RPL31: variants seen among roughly 807,000 people sequenced by gnomAD.
The protein encoded by RPL31 is large ribosomal subunit protein eL31.
For missense variants in RPL31, 95 were observed against 164.0 expected (o/e 0.58, Z 2.30); for synonymous variants, 51 against 55.0 (o/e 0.93, Z 0.32).
At chr2:101,007,803 A>G (rs1225203916), downstream of RPL31, 4 of 1,609,480 alleles carry the variant, frequency 2.5e-6, no homozygotes, top group African/African-American at 1.3e-5. Context: ...TCCAGTGTGC[A>G]TAGCAGCTGC....
chr2:101,004,153 C>T lies in RPL31; in HGVS notation c.108-5C>T, dbSNP rs777298130. 7 of 1,612,898 alleles carry T rather than the reference C, an allele frequency of 4.3e-6. No individual in the cohort carries two copies. The highest frequency in any genetic ancestry group is 1.7e-5 in the Admixed American group (1 of 59,766). On this transcript the variant is annotated splice_region_variant and splice_polypyrimidine_tract_variant and intron_variant, in intron 2 of 4. Coordinates refer to ENST00000264258, the MANE Select transcript of RPL31 (RefSeq NM_000993.5). ...TTAATTTGTTCACTTATGTTTGAAT[C>T]GTAGGGGCTTCAAGAAGCGTGCACC...
At chr2:101,009,949 G>A (rs1435366210), downstream of RPL31, among the ~76,000 whole-genome samples, 3 of 151,550 alleles carry the variant, frequency 2.0e-5, no homozygotes, top group African/African-American at 4.9e-5. Context: ...AGCCTCCCGA[G>A]TAGCTGGGAC....
At chr2:101,005,291 G>C (rs111321088) in intron 3 of RPL31, 2 of 152,608 alleles carry the variant, frequency 1.3e-5, no homozygotes, top group African/African-American at 2.4e-5. Context: ...TAGAGTATGC[G>C]CCTGTGGCAG....
intron 4 of RPL31, chr2:101,018,033 A>C: frequency 8.6e-7 from 1 of 1,167,884 alleles, no homozygotes; most frequent in Non-Finnish European, 1.2e-6. Flanking sequence ...CTACATATCA[A>C]CCCCTTTTTC....
intron 2 of RPL31, 111 bp from the exon 3 acceptor site, chr2:101,004,047 C>A: frequency 8.0e-7 from 1 of 1,245,084 alleles, no homozygotes; most frequent in Non-Finnish European, 1.1e-6. Context: ...TTACATAAGA[C>A]ATTGCTTAAA....
At chr2:101,004,344 CT>C in intron 3 of RPL31, 61 bp downstream of exon 3, 1 of 1,581,880 alleles carries the variant, frequency 6.3e-7, no homozygotes, top group Non-Finnish European at 8.6e-7. Context: ...TCACTTAACC[CT>C]GCAAGAGCCC....
chr2:101,013,575 A>T (rs1049467436), intron 4 of RPL31, among the ~76,000 whole-genome samples: 1 of 152,232 alleles, frequency 6.6e-6, no homozygotes, highest in South Asian at 2.1e-4. Context: ...GTTTGAAGGT[A>T]GTAGGTAACT....
At chr2:101,016,075 G>GA (rs1679611532) in intron 4 of RPL31, among the ~76,000 whole-genome samples, 1 of 151,978 alleles carries the variant, frequency 6.6e-6, no homozygotes, top group South Asian at 2.1e-4. Flanking sequence ...TGACAAATGG[G>GA]ATCTAATTAA....
Position 101,018,885 on chromosome 2 carries a change from C to T in RPL31, c.347-113C>T, listed in dbSNP as rs141028064. ...TTAACTAAGCAAAATGGCCAATATC[C>T]GTAGGTTTATCAATCTGCAGTGAAA... On this transcript the variant is annotated intron_variant, in intron 4 of 4. Transcript: ENST00000409028. The T allele has an allele frequency of 1.7e-4, 240 of 1,390,944 alleles. 1 individual carries two copies. The East Asian group carries it at 2.9e-3, about 17-fold the overall frequency. 86.2% of individuals were successfully genotyped at this position (1,390,944 alleles called of 1,614,324 possible). A position where few individuals can be genotyped will look rare whatever the true frequency, so the allele number is the denominator to read the frequency against.
chr2:101,018,915 T>C (rs1679850228), intron 4 of RPL31: 2 of 1,540,708 alleles, frequency 1.3e-6, no homozygotes, highest in African/African-American at 2.7e-5. Flanking sequence ...GTGAAAACTG[T>C]TGATGTCCTA....
chr2:101,006,286 G>A (rs1217376592), intron 4 of RPL31, 64 bp from the exon 5 acceptor site: 79 of 1,585,382 alleles, frequency 5.0e-5, no homozygotes, highest in Non-Finnish European at 6.7e-5. Flanking sequence ...TCTACAAAAG[G>A]TTTTTAGAGT....
chr2:101,008,087 GAGCTGA>G (rs1402745432), downstream of RPL31: 1 of 1,613,808 alleles, frequency 6.2e-7, no homozygotes, highest in East Asian at 2.2e-5. Context: ...TCAGGAGAAG[GAGCTGA>G]AGCCCGCAGC....
At chr2:101,007,559 A>C (rs1427127683), downstream of RPL31, 2 of 470,860 alleles carry the variant, frequency 4.2e-6, no homozygotes, top group East Asian at 7.4e-5. Context: ...TCACAGCAGA[A>C]GTGCCCATTT....
chr2:101,013,319 T>G (rs1384087631), intron 4 of RPL31, among the ~76,000 whole-genome samples: 6 of 152,244 alleles, frequency 3.9e-5, no homozygotes, highest in African/African-American at 1.4e-4. Context: ...TGGGAAATAG[T>G]AACTACTAAG....
intron 2 of RPL31, among the ~76,000 whole-genome samples, chr2:101,003,027 C>T (rs902806948): frequency 2.6e-5 from 4 of 152,150 alleles, no homozygotes; most frequent in African/African-American, 9.7e-5. Flanking sequence ...TCTTTCTTAG[C>T]CGAATGCGGA....
intron 3 of RPL31, 59 bp downstream of exon 3, chr2:101,004,342 C>T: frequency 1.3e-6 from 2 of 1,591,378 alleles, no homozygotes; most frequent in Non-Finnish European, 1.7e-6. Flanking sequence ...CTTCACTTAA[C>T]CCTGCAAGAG....
intron 4 of RPL31, among the ~76,000 whole-genome samples, chr2:101,013,524 G>T (rs75185555): frequency 0.24 from 36,647 of 151,976 alleles, 5,182 homozygotes; most frequent in South Asian, 0.38. Context: ...TAAGATAAAG[G>T]ATTTACATTT....
downstream of RPL31, chr2:101,007,678 C>T (rs1678829573): frequency 6.0e-6 from 5 of 835,280 alleles, no homozygotes; most frequent in Non-Finnish European, 9.4e-6. Context: ...GTCGGTTCCC[C>T]TGGCCACAGT....
downstream of RPL31, among the ~76,000 whole-genome samples, chr2:101,011,873 A>G (rs1679241935): frequency 1.3e-5 from 2 of 152,244 alleles, no homozygotes; most frequent in South Asian, 4.1e-4. Context: ...AAATATATCC[A>G]TGCACACATA....
Sources: gnomAD v4.1 joint callset for allele counts (sites outside exome capture counted in the v4.1 genomes callset) on GRCh38, gnomAD v4.1.1 for gene constraint, MANE v1.5 for transcripts, NCBI Gene and HGNC (gene_info 2026-07-23, HGNC 2026-07-21) for gene names.